KAZN: variants seen among roughly 807,000 people sequenced by gnomAD.
KAZN encodes the protein kazrin, periplakin interacting protein.
KAZN carries 40 observed loss-of-function variants against 87.4 expected under a neutral mutation model. The ratio of observed to expected loss-of-function variants is 0.46; its 90% CI spans 0.36 to 0.60. The LOEUF is 0.60. KAZN is among the 20% of genes least tolerant of loss of function. The probability of loss-of-function intolerance (pLI) is 0.00; values close to 1 mark genes in which losing one functional copy is unlikely to be tolerated. For missense variants in KAZN, 898 were observed against 1,073.9 expected (o/e 0.84, Z 2.29); for synonymous variants, 466 against 458.3 (o/e 1.02, Z -0.22).
chr1:14,470,916 G>T (rs908102748), intron 2 of KAZN, among the ~76,000 whole-genome samples: 2 of 152,118 alleles, frequency 1.3e-5, no homozygotes, highest in Non-Finnish European at 2.9e-5. Context: ...CATTTGCTCT[G>T]GGGGGAGCCA....
intron 1 of KAZN, among the ~76,000 whole-genome samples, chr1:14,155,135 A>G (rs1027649675): frequency 1.3e-5 from 2 of 152,242 alleles, no homozygotes; most frequent in Non-Finnish European, 2.9e-5. Flanking sequence ...AATGTTTGAT[A>G]GAATTCAGCA....
intron 2 of KAZN, among the ~76,000 whole-genome samples, chr1:15,024,364 G>T (rs1395923531): frequency 1.3e-5 from 2 of 152,186 alleles, no homozygotes; most frequent in Non-Finnish European, 2.9e-5. Flanking sequence ...CAGAGAGGAT[G>T]GTGGGAAGGA....
At chr1:13,939,753 A>G (rs556391538) in intron 1 of KAZN, among the ~76,000 whole-genome samples, 1 of 152,356 alleles carries the variant, frequency 6.6e-6, no homozygotes, top group South Asian at 2.1e-4. Flanking sequence ...CACAGGCTAT[A>G]TAAGCATGGT....
At chr1:14,652,749 T>C (rs1638530677) in intron 1 of KAZN, among the ~76,000 whole-genome samples, 1 of 141,450 alleles carries the variant, frequency 7.1e-6, no homozygotes, top group South Asian at 2.5e-4. Context: ...ATCCATCCAT[T>C]CATCCACCCA....
chr1:14,937,451 A>G (rs1660585880), intron 1 of KAZN, among the ~76,000 whole-genome samples: 1 of 152,298 alleles, frequency 6.6e-6, no homozygotes, highest in South Asian at 2.1e-4. Context: ...TTCTGTCCAC[A>G]GTCTCCTGGC....
Position 14,241,903 on chromosome 1 carries a change from G to A in KAZN, c.249+61311G>A, listed in dbSNP as rs186733035. Among the ~76,000 whole-genome samples, 462 of 152,138 alleles carry A rather than the reference G, an allele frequency of 3.0e-3. 1 individual carries two copies. Among genetic ancestry groups the A allele is most frequent in the African/African-American group, 0.01 (429 of 41,492 alleles). The stretch of plus-strand genomic sequence containing the variant: ...TTTGCTTTCTACTATCCTTTTCCTC[G>A]TACCCCACCCCCAAAGTGTGCCAAA... On this transcript the variant is annotated intron_variant, in intron 2 of 16. Coordinates refer to the KAZN transcript ENST00000636203.
chr1:14,217,824 A>T (rs1646992167), intron 2 of KAZN, among the ~76,000 whole-genome samples: 1 of 152,128 alleles, frequency 6.6e-6, no homozygotes, highest in African/African-American at 2.4e-5. Flanking sequence ...ATAATAGACA[A>T]TATCAGGCTT....
At chr1:14,415,587 T>C (rs1395135769) in intron 2 of KAZN, among the ~76,000 whole-genome samples, 1 of 152,168 alleles carries the variant, frequency 6.6e-6, no homozygotes, top group Non-Finnish European at 1.5e-5. Context: ...TGCTAAGGAA[T>C]GCAGCCATCA....
Position 14,598,916 on chromosome 1 carries a change from G to A in KAZN, c.-82G>A. ...GGCCGCGGAGGACACAACAGGTAGAGCCGGGGGTGCCCGGCCGCGCGCCCC... is the reference window on the plus strand; with the variant it reads ...GGCCGCGGAGGACACAACAGGTAGAACCGGGGGTGCCCGGCCGCGCGCCCC... On this transcript the variant is annotated 5_prime_UTR_variant, in exon 1 of 15. Coordinates refer to ENST00000376030, the MANE Select transcript of KAZN (RefSeq NM_201628.3). The surrounding 1 kb of genome is among the most constrained non-coding windows in gnomAD (Gnocchi z 4.2). The A allele has an allele frequency of 6.5e-7, 1 of 1,549,154 alleles. No homozygotes were observed. The highest frequency in any genetic ancestry group is 8.7e-7 in the Non-Finnish European group (1 of 1,152,972).
At chr1:14,580,768 C>A (rs1484989358) in intron 2 of KAZN, among the ~76,000 whole-genome samples, 1 of 152,206 alleles carries the variant, frequency 6.6e-6, no homozygotes, top group Non-Finnish European at 1.5e-5. Context: ...CCCCTTCTTG[C>A]AGTCACCTTT....
intron 1 of KAZN, among the ~76,000 whole-genome samples, chr1:14,671,620 C>T (rs1639923119): frequency 6.6e-6 from 1 of 152,182 alleles, no homozygotes; most frequent in Non-Finnish European, 1.5e-5. Flanking sequence ...GAATTTCCCC[C>T]CGTGGGCAAA....
intron 1 of KAZN, among the ~76,000 whole-genome samples, chr1:14,619,509 T>C (rs2148637511): frequency 6.6e-6 from 1 of 152,346 alleles, no homozygotes; most frequent in Middle Eastern, 3.4e-3. Context: ...ATTGAATCAT[T>C]CTTTTGTTAT....
chr1:13,924,257 A>C (rs751711868), intron 1 of KAZN, among the ~76,000 whole-genome samples: 15 of 152,236 alleles, frequency 9.9e-5, no homozygotes, highest in Non-Finnish European at 2.1e-4. Context: ...CTTAAAAGAT[A>C]GAAGACTTAG....
chr1:14,324,965 A>G (rs929110870), intron 2 of KAZN, among the ~76,000 whole-genome samples: 2 of 152,220 alleles, frequency 1.3e-5, no homozygotes, highest in African/African-American at 4.8e-5. Context: ...GACCCTAAAA[A>G]TACAGATGCC....
chr1:14,586,046 G>C (rs553944395), intron 2 of KAZN, among the ~76,000 whole-genome samples: 12 of 152,336 alleles, frequency 7.9e-5, no homozygotes, highest in African/African-American at 2.9e-4. Context: ...GGAAGGGAGA[G>C]GGGGAGATGC....
intron 1 of KAZN, among the ~76,000 whole-genome samples, chr1:14,159,955 G>A (rs2101822696): frequency 6.6e-6 from 1 of 152,296 alleles, no homozygotes; most frequent in Admixed American, 6.5e-5. Context: ...TATTTGCTGT[G>A]GCTGAGCTGG....
chr1:14,851,615 C>T (rs759046755), intron 1 of KAZN, among the ~76,000 whole-genome samples: 1 of 152,190 alleles, frequency 6.6e-6, no homozygotes, highest in Non-Finnish European at 1.5e-5. Flanking sequence ...GTGAGGCCTT[C>T]GGGGTTACCA....
chr1:14,699,749 T>C (rs144532128), intron 1 of KAZN, among the ~76,000 whole-genome samples: 3 of 152,322 alleles, frequency 2.0e-5, no homozygotes, highest in South Asian at 2.1e-4. Flanking sequence ...CAGCCATCTC[T>C]TCAAACAAAC....
At chr1:14,048,039 G>A (rs1642152979) in intron 1 of KAZN, among the ~76,000 whole-genome samples, 1 of 152,138 alleles carries the variant, frequency 6.6e-6, no homozygotes, top group Non-Finnish European at 1.5e-5. Flanking sequence ...AAGGGTTTAG[G>A]TCTGGAGCCA....
Sources: allele counts gnomAD v4.1 joint callset (sites outside exome capture counted in the v4.1 genomes callset), GRCh38; gene constraint gnomAD v4.1.1; non-coding constraint Gnocchi (gnomAD v3.1); transcripts MANE v1.5; gene names NCBI Gene and HGNC (gene_info 2026-07-23, HGNC 2026-07-21).